Variants in IGDCC4 observed in about 807,000 individuals in gnomAD.
IGDCC4 encodes the protein likely ortholog of mouse neighbor of Punc E11.
A neutral mutation model predicts 116.6 loss-of-function variants in IGDCC4; 72 were observed. The observed-to-expected ratio is 0.62, with a 90% confidence interval of 0.51 to 0.75. IGDCC4 has a LOEUF of 0.75. Ranked by LOEUF, IGDCC4 falls within the 30% of genes least tolerant of loss-of-function variation. The pLI is 0.00. For synonymous variants in IGDCC4, 709 were observed against 719.9 expected (o/e 0.98, Z 0.24); for missense variants, 1,501 against 1,662.4 (o/e 0.90, Z 1.69).
chr15:65,381,523 T>C lies in IGDCC4; in HGVS notation c.*2486A>G, dbSNP rs1286112686. 2.0e-5 allele frequency: 3 copies of C among 152,030 alleles called. No homozygotes were observed. The highest frequency in any genetic ancestry group is 4.4e-5 in the Non-Finnish European group (3 of 68,024). The allele number at this position is 152,030 out of a possible 1,614,324, so 9.4% of individuals were successfully genotyped here. A position where few individuals can be genotyped will look rare whatever the true frequency, so the allele number is the denominator to read the frequency against. On this transcript the variant is annotated 3_prime_UTR_variant, in exon 20 of 20. Coordinates refer to ENST00000352385, the MANE Select transcript of IGDCC4 (RefSeq NM_020962.3). ...TTTATTAATTCATTATAAGGACAGA[T>C]ACATGAATCAATGCCTTAGCTTAAC...
chr15:65,390,071 T>C, intron 13 of IGDCC4, 84 bp downstream of exon 13: 1 of 1,278,746 alleles, frequency 7.8e-7, no homozygotes, highest in South Asian at 1.5e-5. Context: ...GGCCCTTCCC[T>C]GATCACCACC....
In IGDCC4 at chr15:65,396,834, C is replaced by T; in HGVS notation, c.997G>A (p.Ala333Thr). 1 of 1,568,138 alleles carries T rather than the reference C, an allele frequency of 6.4e-7. No individual in the cohort carries two copies. Among genetic ancestry groups the T allele is most frequent in the South Asian group, 1.2e-5 (1 of 85,138 alleles). The change falls in exon 6 of 20, where the codon GCG (alanine) becomes ACG (threonine). Residue 333 changes from alanine (A) to threonine (T), a missense_variant and splice_region_variant. By Grantham distance (58) the Ala-to-Thr change is moderately conservative (BLOSUM62 0). Transcript: ENST00000352385. ...ATAAAELRVL[A>T]APAITQAPEA... ...CCCTCCGCCCTTCGGCCCGCCTCAC[C>T]CAGCACACGGAGCTCAGCGGCTGCA...
At chr15:65,394,085 T>C (rs1383854497) in intron 9 of IGDCC4, among the ~76,000 whole-genome samples, 1 of 152,114 alleles carries the variant, frequency 6.6e-6, no homozygotes, top group Non-Finnish European at 1.5e-5. Context: ...CCTGCAGCCT[T>C]GAATTCCTGG....
At chr15:65,385,396 G>C in intron 18 of IGDCC4, 1 of 540,630 alleles carries the variant, frequency 1.8e-6, no homozygotes, top group Non-Finnish European at 3.3e-6. Flanking sequence ...AGGACGGGTC[G>C]GAGTTGGGTG....
At chr15:65,396,247 C>CA (rs1237503474) in intron 6 of IGDCC4, 84 bp from the exon 7 acceptor site, 1 of 1,375,020 alleles carries the variant, frequency 7.3e-7, no homozygotes, top group Admixed American at 2.1e-5. Flanking sequence ...GCCTGCCCCC[C>CA]ACCGCCCTCC....
chr15:65,392,090 C>A (rs374435809), intron 11 of IGDCC4, 44 bp downstream of exon 11: 216 of 1,509,660 alleles, frequency 1.4e-4, no homozygotes, highest in Non-Finnish European at 2.4e-5. Flanking sequence ...CCAGTCCCCA[C>A]TGAAGCTACA....
Position 65,410,260 on chromosome 15 carries a change from G to T in IGDCC4, c.481C>A (p.Arg161Ser). 6.2e-7 allele frequency: 1 copy of T among 1,613,970 alleles called. No homozygotes were observed. The highest frequency in any genetic ancestry group is 8.5e-7 in the Non-Finnish European group (1 of 1,180,018). The change falls in exon 3 of 20, where the codon CGC (arginine) becomes AGC (serine). Residue 161 changes from arginine (R) to serine (S), a missense_variant. By Grantham distance (110) the Arg-to-Ser change is moderately radical (BLOSUM62 -1). Around this residue, in one of 3 missense-constraint regions of IGDCC4, gnomAD observed 898 missense variants for 978.9 expected, o/e 0.92. Transcript: ENST00000352385. ...AGCCCTTCAATGTGGCACTCAAAGC[G>T]AGCTGTCCCGTTCTCCTCCACCGTC... Reference protein sequence around the residue: ...SQTVEENGTARFECHIEGLPA... With the variant: ...SQTVEENGTASFECHIEGLPA...
At chr15:65,397,044 T>C (rs2062935332) in intron 5 of IGDCC4, 55 bp from the exon 6 acceptor site, 3 of 1,544,528 alleles carry the variant, frequency 1.9e-6, no homozygotes, top group African/African-American at 2.7e-5. Flanking sequence ...GCCCTTCCCT[T>C]CAGTCTCCGA....
At chr15:65,401,073 TG>T (rs2062981067) in intron 4 of IGDCC4, 127 bp from the exon 5 acceptor site, 2 of 1,214,276 alleles carry the variant, frequency 1.6e-6, no homozygotes, top group Non-Finnish European at 2.3e-6. Context: ...ATCTGTCAGA[TG>T]GGGGACGTAG....
At chr15:65,418,038 G>A in intron 1 of IGDCC4, among the ~76,000 whole-genome samples, 1 of 152,206 alleles carries the variant, frequency 6.6e-6, no homozygotes, top group East Asian at 1.9e-4. Flanking sequence ...GAATGGATGA[G>A]TGAACCCATG....
At position 65,391,980 on chromosome 15, in the gene IGDCC4, G is replaced by T. The variant is rs777128424; in HGVS notation, c.2124C>A (p.Val708=). The T allele has an allele frequency of 6.2e-7, 1 of 1,608,428 alleles. No individual in the cohort carries two copies. The highest frequency in any genetic ancestry group is 8.5e-7 in the Non-Finnish European group (1 of 1,177,136). The change falls in exon 12 of 20, where the codon GTC becomes GTA. Residue 708 remains valine, a splice_region_variant and synonymous_variant. Coordinates refer to ENST00000352385, the MANE Select transcript of IGDCC4 (RefSeq NM_020962.3). ...GCTTCACCTCGTACAGCCGGCCAGG[G>T]ACTGGGGAAGGTTACAGGGCTTAAT... The part of the protein sequence containing the change: ...KVKQYELTQL[V]PGRLYEVKLV...
chr15:65,407,386 A>AG (rs1479161152), intron 3 of IGDCC4, among the ~76,000 whole-genome samples: 2 of 152,200 alleles, frequency 1.3e-5, no homozygotes, highest in African/African-American at 4.8e-5. Flanking sequence ...TCTGTCACCC[A>AG]GGCTGGAGTG....
At chr15:65,407,085 A>C (rs1332915431) in intron 3 of IGDCC4, among the ~76,000 whole-genome samples, 1 of 152,150 alleles carries the variant, frequency 6.6e-6, no homozygotes, top group Non-Finnish European at 1.5e-5. Context: ...TGTATCCTCC[A>C]CGCAGGTCGC....
chr15:65,396,117 C>T lies in IGDCC4; in HGVS notation c.1044G>A (p.Arg348=). The T allele has an allele frequency of 2.8e-6, 4 of 1,454,078 alleles. No homozygotes were observed. The highest frequency in any genetic ancestry group is 1.5e-5 in the African/African-American group (1 of 68,098). 90.1% of individuals were successfully genotyped at this position (1,454,078 alleles called of 1,614,324 possible). A position where few individuals can be genotyped will look rare whatever the true frequency, so the allele number is the denominator to read the frequency against. Residue 348 remains arginine (R), a synonymous_variant, in exon 7 of 20, where the codon CGG becomes CGA. Coordinates refer to ENST00000352385, the MANE Select transcript of IGDCC4 (RefSeq NM_020962.3). The stretch of plus-strand genomic sequence containing the variant: ...GGCACACGAAGCGCGCTGTGCTCGC[C>T]CGCGTCCGCGACAGCGCCTCGGGCG... ...TQAPEALSRT[R]ASTARFVCRA... is the part of the protein sequence containing the mutation.
chr15:65,413,802 C>T (rs1223833845), intron 1 of IGDCC4, among the ~76,000 whole-genome samples: 4 of 152,198 alleles, frequency 2.6e-5, no homozygotes, highest in African/African-American at 4.8e-5. Flanking sequence ...TGGGGACGTG[C>T]ACAAAACAAT....
rs1369443007 is a variant in IGDCC4 at position 65,385,981 on chromosome 15, G to C, written c.3030C>G (p.Pro1010=). The change falls in exon 18 of 20, where the codon CCC becomes CCG. Residue 1010 remains proline, a synonymous_variant. Transcript: ENST00000352385. ...CCAATTCATGGGCAGCTGGGGGGCTGGGGGGGCCAAGCCGAGCTCTGGAGT... is the reference window on the plus strand; with the variant it reads ...CCAATTCATGGGCAGCTGGGGGGCTCGGGGGGCCAAGCCGAGCTCTGGAGT... ...ALYSRARLGP[P]SPPAAHELES... 42 of 1,579,348 alleles carry C rather than the reference G, an allele frequency of 2.7e-5. 1 individual carries two copies. The Admixed American group carries it at 7.5e-4, about 28-fold the overall frequency.
intron 3 of IGDCC4, among the ~76,000 whole-genome samples, chr15:65,406,626 T>G (rs1190259427): frequency 6.6e-6 from 1 of 152,236 alleles, no homozygotes; most frequent in African/African-American, 2.4e-5. Flanking sequence ...GAATAGCATA[T>G]TTGTGCATGC....
At chr15:65,413,462 A>C (rs2063116590) in intron 1 of IGDCC4, among the ~76,000 whole-genome samples, 1 of 152,198 alleles carries the variant, frequency 6.6e-6, no homozygotes, top group Non-Finnish European at 1.5e-5. Flanking sequence ...CACAAAGGGA[A>C]GAGTAGGGAA....
Position 65,384,232 on chromosome 15 carries a change from GC to G in IGDCC4, c.3529del (p.Ala1177GlnfsTer43). ...TCCCAACTCCCTGTCCAGCCAGGCT[GC>G]CCCCTGCCCTGGATCCCCAACACCC... ...ISGVGDPGQG[A>X]AWLDRELGGC... On this transcript the variant is annotated frameshift_variant, in exon 20 of 20. Transcript: ENST00000352385. LOFTEE classifies it high-confidence loss of function. The surrounding 1 kb of genome is among the most constrained non-coding windows in gnomAD (Gnocchi z 4.9). The G allele has an allele frequency of 6.3e-7, 1 of 1,598,764 alleles. No individual in the cohort carries two copies. Among genetic ancestry groups the G allele is most frequent in the Non-Finnish European group, 8.6e-7 (1 of 1,169,176 alleles).
Sources: gnomAD v4.1 joint callset for allele counts (sites outside exome capture counted in the v4.1 genomes callset) on GRCh38, gnomAD v4.1.1 for gene constraint, gnomAD v4.1.1 regional missense constraint, Gnocchi (gnomAD v3.1) non-coding constraint, MANE v1.5 for transcripts, NCBI Gene and HGNC (gene_info 2026-07-23, HGNC 2026-07-21) for gene names.